The following SGCZ variants were observed in gnomAD, a reference collection of about 807,000 sequenced individuals.
SGCZ encodes zeta-sarcoglycan.
In SGCZ, 40 loss-of-function variants were observed where a neutral mutation model predicts 41.3. The observed-to-expected ratio is 0.97, with a 90% CI of 0.75 to 1.26. The LOEUF (loss-of-function observed/expected upper bound fraction) is 1.26, where lower values mean the gene tolerates loss of function less well. Ranked by LOEUF, SGCZ falls within the 50% of genes most tolerant of loss-of-function variation. SGCZ has a pLI of 0.00. For synonymous variants in SGCZ, 206 were observed against 137.5 expected (o/e 1.50, Z -3.49); for missense variants, 552 against 369.8 (o/e 1.49, Z -4.04).
chr8:14,961,392 G>C lies in SGCZ; in HGVS notation c.39+276193C>G, dbSNP rs559697435. Among the ~76,000 whole-genome samples the C allele has an allele frequency of 4.3e-4, 65 of 152,204 alleles. 2 individuals are homozygous for C. The South Asian group carries it at 0.013, about 31-fold the overall frequency. ...GTTACAGGCTGGCTACAGAGGAATA[G>C]AATGTGTATTACAGTAGATTCTCAT... On this transcript the variant is annotated intron_variant, in intron 1 of 7. Transcript: ENST00000382080.
At chr8:14,144,250 G>A (rs954628882) in intron 5 of SGCZ, among the ~76,000 whole-genome samples, 8 of 152,164 alleles carry the variant, frequency 5.3e-5, no homozygotes, top group African/African-American at 1.9e-4. Flanking sequence ...TTAAAGAGAG[G>A]AAAGTGGATA....
chr8:15,219,125 C>T (rs1404158568), intron 1 of SGCZ, among the ~76,000 whole-genome samples: 2 of 152,100 alleles, frequency 1.3e-5, no homozygotes, highest in Non-Finnish European at 2.9e-5. Flanking sequence ...ATATTGAGTA[C>T]TTTTTTACAA....
intron 1 of SGCZ, among the ~76,000 whole-genome samples, chr8:14,862,440 C>T (rs984735293): frequency 6.0e-5 from 9 of 150,458 alleles, no homozygotes; most frequent in African/African-American, 2.2e-4. Flanking sequence ...GTATAATGCA[C>T]GAATTATTTG....
chr8:15,051,423 A>G (rs1307175515), intron 1 of SGCZ, among the ~76,000 whole-genome samples: 1 of 152,038 alleles, frequency 6.6e-6, no homozygotes, highest in Non-Finnish European at 1.5e-5. Context: ...CTCGATAGAC[A>G]TGTAGTTTGT....
rs532162812 is a variant in SGCZ, at chr8:14,133,725, A to G, written c.548-25490T>C. Among the ~76,000 whole-genome samples, 5 of 152,146 alleles carry G rather than the reference A, an allele frequency of 3.3e-5. No individual in the cohort carries two copies. The South Asian group carries it at 1.0e-3, about 32-fold the overall frequency. ...CCTTTGACTCTTTTTCTGAGTTTTG[A>G]CAAAATTACTTTTGACAGTTTCTGC... On this transcript the variant is annotated intron_variant, in intron 5 of 7. Transcript: ENST00000382080.
intron 1 of SGCZ, among the ~76,000 whole-genome samples, chr8:14,765,882 T>C (rs1800019614): frequency 6.6e-6 from 1 of 151,842 alleles, no homozygotes; most frequent in South Asian, 2.1e-4. Context: ...CATTCAATCT[T>C]GGAGGAGAGA....
intron 1 of SGCZ, among the ~76,000 whole-genome samples, chr8:14,711,444 A>AAAAAAAAAAAAG (rs1809512296): frequency 6.6e-6 from 1 of 150,836 alleles, no homozygotes; most frequent in Admixed American, 6.6e-5. Context: ...ACAAAAAAAA[A>AAAAAAAAAAAAG]AAAAAAAAAA....
intron 4 of SGCZ, among the ~76,000 whole-genome samples, chr8:14,188,017 G>C (rs550940345): frequency 2.0e-5 from 3 of 152,102 alleles, no homozygotes; most frequent in African/African-American, 7.2e-5. Flanking sequence ...ACAATGGAGA[G>C]GAAGTAGTAG....
At chr8:14,299,478 A>G (rs28873129) in intron 3 of SGCZ, among the ~76,000 whole-genome samples, 1,771 of 152,070 alleles carry the variant, frequency 0.012, 32 homozygotes, top group African/African-American at 0.04. Context: ...AAGACACAAA[A>G]TCCAATAATA....
chr8:14,829,882 G>GCCGA (rs1451510196), intron 1 of SGCZ, among the ~76,000 whole-genome samples: 1 of 152,118 alleles, frequency 6.6e-6, no homozygotes, highest in Non-Finnish European at 1.5e-5. Flanking sequence ...CGCGATCTCG[G>GCCGA]CTCACTGCAA....
rs539607770 is a variant in SGCZ, at chr8:14,540,333, G to T, written c.234+14399C>A. Among the ~76,000 whole-genome samples the T allele has an allele frequency of 3.5e-5, 5 of 141,368 alleles. No homozygotes were observed. The South Asian group carries it at 6.8e-4, about 19-fold the overall frequency. 92.7% of individuals were successfully genotyped at this position (141,368 alleles called of 152,430 possible). On this transcript the variant is annotated intron_variant, in intron 2 of 7. Coordinates refer to ENST00000382080, the MANE Select transcript of SGCZ (RefSeq NM_139167.4). ...ACCTTTTTTTCATTAGAGGTATCATGAGTATTAATATCTACTATGAGAATT... is the reference window on the plus strand; with the variant it reads ...ACCTTTTTTTCATTAGAGGTATCATTAGTATTAATATCTACTATGAGAATT...
At chr8:14,594,369 A>T (rs569203535) in intron 1 of SGCZ, among the ~76,000 whole-genome samples, 2 of 149,760 alleles carry the variant, frequency 1.3e-5, no homozygotes, top group South Asian at 2.1e-4. Flanking sequence ...ATGTAGCATT[A>T]AAAAAAAACA....
intron 1 of SGCZ, among the ~76,000 whole-genome samples, chr8:14,786,278 C>T (rs770615233): frequency 1.3e-5 from 2 of 152,016 alleles, no homozygotes; most frequent in Non-Finnish European, 2.9e-5. Context: ...TACAAATGAG[C>T]ATTTACAAAC....
At chr8:14,102,551 A>G (rs2116984264) in intron 6 of SGCZ, 52 bp from the exon 7 acceptor site, 1 of 1,294,884 alleles carries the variant, frequency 7.7e-7, no homozygotes. Flanking sequence ...CAAAAAAATC[A>G]TTAATAGAAA....
At position 14,899,766 on chromosome 8, in the gene SGCZ, G is replaced by A. The variant is rs371126700; in HGVS notation, c.39+337819C>T. Reference sequence around the variant, plus strand: ...ACCTCAAAATGAGGATGGAAGGAGAGAAGGGAGAAAAGACAGAGGGAGGAA... The same window carrying A: ...ACCTCAAAATGAGGATGGAAGGAGAAAAGGGAGAAAAGACAGAGGGAGGAA... On this transcript the variant is annotated intron_variant, in intron 1 of 7. Transcript: ENST00000382080. Among the ~76,000 whole-genome samples the A allele has an allele frequency of 2.4e-4, 37 of 152,084 alleles. No individual in the cohort carries two copies. In the East Asian group the frequency reaches 7.0e-3, roughly 29 times the overall value.
chr8:14,817,838 G>A (rs1179969690), intron 1 of SGCZ, among the ~76,000 whole-genome samples: 1 of 152,154 alleles, frequency 6.6e-6, no homozygotes, highest in Admixed American at 6.5e-5. Flanking sequence ...TCAGCCCTGT[G>A]GTTCCCTATG....
At chr8:14,944,411 T>C (rs533574285) in intron 1 of SGCZ, among the ~76,000 whole-genome samples, 4 of 152,198 alleles carry the variant, frequency 2.6e-5, no homozygotes, top group Non-Finnish European at 5.9e-5. Context: ...TGTTGGAGTA[T>C]GATTTTCATA....
intron 1 of SGCZ, among the ~76,000 whole-genome samples, chr8:14,627,776 TAC>T (rs1481276409): frequency 2.0e-5 from 3 of 151,924 alleles, no homozygotes; most frequent in African/African-American, 7.3e-5. Flanking sequence ...CAATCATGAA[TAC>T]GTCTGCTGAC....
intron 1 of SGCZ, among the ~76,000 whole-genome samples, chr8:14,947,090 C>A (rs186598684): frequency 2.8e-4 from 42 of 152,232 alleles, no homozygotes; most frequent in Non-Finnish European, 4.3e-4. Context: ...AGAAAAGTAA[C>A]CCCAGTACAT....
Sources: gnomAD v4.1 joint callset for allele counts (sites outside exome capture counted in the v4.1 genomes callset) on GRCh38, gnomAD v4.1.1 for gene constraint, MANE v1.5 for transcripts, NCBI Gene and HGNC (gene_info 2026-07-23, HGNC 2026-07-21) for gene names.